GHR: variants seen among roughly 807,000 people sequenced by gnomAD.
GHR encodes the protein GH receptor.
Under a neutral mutation model 67.1 loss-of-function variants are expected in GHR, and 35 were observed. The observed-to-expected ratio is 0.52, with a 90% CI of 0.40 to 0.69. The LOEUF is 0.69. GHR is among the 30% of genes least tolerant of loss of function. GHR has a pLI of 0.00. For missense variants in GHR, 792 were observed against 764.6 expected (o/e 1.04, Z -0.42); for synonymous variants, 272 against 269.1 (o/e 1.01, Z -0.10).
At chr5:42,660,898 C>CT (rs1335357493) in intron 3 of GHR, among the ~76,000 whole-genome samples, 9 of 152,078 alleles carry the variant, frequency 5.9e-5, no homozygotes, top group Non-Finnish European at 1.3e-4. Flanking sequence ...ATAACCAATA[C>CT]AGAGAAGTGC....
chr5:42,599,356 CATT>C (rs1380970206), intron 2 of GHR, among the ~76,000 whole-genome samples: 4 of 125,732 alleles, frequency 3.2e-5, no homozygotes, highest in African/African-American at 1.0e-4. Flanking sequence ...GCCTACAGCA[CATT>C]TTTTTTTTTT....
At chr5:42,524,965 TGGATGCCCA>T (rs548318432) in intron 1 of GHR, among the ~76,000 whole-genome samples, 139 of 152,340 alleles carry the variant, frequency 9.1e-4, no homozygotes, top group African/African-American at 3.2e-3. Flanking sequence ...CGGAAATGCC[TGGATGCCCA>T]GGCAAAAGTT....
In GHR at chr5:42,686,338, A is replaced by C. The variant is rs376969678; in HGVS notation, c.137-2552A>C. Among the ~76,000 whole-genome samples, 10 of 66,180 alleles carry C rather than the reference A, an allele frequency of 1.5e-4. No homozygotes were observed. In the South Asian group the frequency reaches 5.7e-3, roughly 38 times the overall value. 43.4% of individuals were successfully genotyped at this position (66,180 alleles called of 152,430 possible). A position where few individuals can be genotyped will look rare whatever the true frequency, so the allele number is the denominator to read the frequency against. Reference sequence around the variant, plus strand: ...GTACCAGTACCATGCTGTCTTTGTTACTGTAGCCTTGTAGTATGAAGTCAG... The same window carrying C: ...GTACCAGTACCATGCTGTCTTTGTTCCTGTAGCCTTGTAGTATGAAGTCAG... On this transcript the variant is annotated intron_variant, in intron 3 of 9. Coordinates refer to ENST00000230882, the MANE Select transcript of GHR (RefSeq NM_000163.5).
At position 42,589,661 on chromosome 5, in the gene GHR, C is replaced by A. The variant is rs182228254; in HGVS notation, c.70+23717C>A. 2.1e-3 allele frequency among the ~76,000 whole-genome samples: 321 copies of A among 152,118 alleles called. 2 individuals carry two copies. The highest frequency in any genetic ancestry group is 7.4e-3 in the African/African-American group (308 of 41,492). ...TTTTCAGTGTTAAGTTGACCTTTTT[C>A]TTTTAGTGCATTGTGAATATTTAAA... On this transcript the variant is annotated intron_variant, in intron 2 of 9. Transcript: ENST00000230882.
chr5:42,685,335 G>A (rs532594490), intron 3 of GHR, among the ~76,000 whole-genome samples: 2 of 152,158 alleles, frequency 1.3e-5, no homozygotes, highest in African/African-American at 2.4e-5. Context: ...TCTTTAACCA[G>A]TCTATCACTG....
At chr5:42,535,423 C>T (rs1300955466) in intron 1 of GHR, among the ~76,000 whole-genome samples, 2 of 152,162 alleles carry the variant, frequency 1.3e-5, no homozygotes, top group Admixed American at 6.5e-5. Context: ...TGTCCTTTCC[C>T]CACTTTATGT....
At chr5:42,540,948 T>C (rs1056793390) in intron 1 of GHR, among the ~76,000 whole-genome samples, 4 of 151,908 alleles carry the variant, frequency 2.6e-5, no homozygotes, top group African/African-American at 9.7e-5. Context: ...TCCTTGTTTT[T>C]TTTTTTTTGT....
chr5:42,688,785 T>A, intron 3 of GHR, 105 bp from the exon 4 acceptor site: 2 of 1,054,286 alleles, frequency 1.9e-6, no homozygotes, highest in East Asian at 4.7e-5. Context: ...CGGAATACAC[T>A]GGCTTCATCC....
intron 1 of GHR, among the ~76,000 whole-genome samples, chr5:42,503,831 G>A (rs1746641641): frequency 6.6e-6 from 1 of 152,034 alleles, no homozygotes; most frequent in South Asian, 2.1e-4. Flanking sequence ...ATAAAAGGAC[G>A]AGGCTTATGG....
At chr5:42,481,652 C>A (rs537326544) in intron 1 of GHR, among the ~76,000 whole-genome samples, 1 of 152,190 alleles carries the variant, frequency 6.6e-6, no homozygotes, top group Non-Finnish European at 1.5e-5. Flanking sequence ...ATCACTGATA[C>A]CCTTTCTTCC....
intron 2 of GHR, among the ~76,000 whole-genome samples, chr5:42,600,029 T>G (rs1752288318): frequency 6.6e-6 from 1 of 152,206 alleles, no homozygotes; most frequent in South Asian, 2.1e-4. Flanking sequence ...AACAGAGTCC[T>G]GGAGCATATC....
At position 42,423,789 on chromosome 5, in the gene GHR, G is replaced by A; in HGVS notation, c.-178G>A. 6.1e-6 allele frequency: 1 copy of A among 163,910 alleles called. No homozygotes were observed. The highest frequency in any genetic ancestry group is 1.3e-5 in the Non-Finnish European group (1 of 77,406). The allele number at this position is 163,910 out of a possible 1,614,324, so 10.2% of individuals were successfully genotyped here. A position where few individuals can be genotyped will look rare whatever the true frequency, so the allele number is the denominator to read the frequency against. On this transcript the variant is annotated 5_prime_UTR_variant, in exon 1 of 10. Transcript: ENST00000230882. Reference sequence around the variant, plus strand: ...GGGCTAGGGAGCGGCGGCGGCGGCGGCAGCGGCAGCAGCAGCTGCTACAGT... The same window carrying A: ...GGGCTAGGGAGCGGCGGCGGCGGCGACAGCGGCAGCAGCAGCTGCTACAGT...
At chr5:42,654,575 A>T (rs1433149197) in intron 3 of GHR, among the ~76,000 whole-genome samples, 1 of 152,086 alleles carries the variant, frequency 6.6e-6, no homozygotes, top group Non-Finnish European at 1.5e-5. Flanking sequence ...AGAGCCTCTG[A>T]TCTTGTCTTT....
chr5:42,703,086 T>C (rs1758008555), intron 6 of GHR, among the ~76,000 whole-genome samples: 1 of 152,104 alleles, frequency 6.6e-6, no homozygotes. Flanking sequence ...CTATTTCCAC[T>C]TTTGTTGCCT....
intron 1 of GHR, chr5:42,467,763 T>A: frequency 1.3e-6 from 2 of 1,543,732 alleles, no homozygotes; most frequent in Non-Finnish European, 1.8e-6. Flanking sequence ...CAACGAGGTT[T>A]GCACTCTGAC....
chr5:42,465,790 A>G (rs1021410310), intron 1 of GHR: 8 of 798,378 alleles, frequency 1.0e-5, no homozygotes, highest in Middle Eastern at 3.5e-4. Context: ...TTTCACGTCC[A>G]CTGCCCTCTC....
chr5:42,543,838 G>A (rs1748620145), intron 1 of GHR, among the ~76,000 whole-genome samples: 1 of 152,020 alleles, frequency 6.6e-6, no homozygotes, highest in Non-Finnish European at 1.5e-5. Context: ...CCAATCATAT[G>A]TGTGTTGGAG....
intron 2 of GHR, among the ~76,000 whole-genome samples, chr5:42,623,752 T>C (rs1049327449): frequency 3.9e-5 from 6 of 152,214 alleles, no homozygotes; most frequent in African/African-American, 1.4e-4. Flanking sequence ...TAGTTTATTT[T>C]ATAACCCAGC....
At chr5:42,716,545 T>C (rs755918007) in intron 8 of GHR, among the ~76,000 whole-genome samples, 2 of 152,222 alleles carry the variant, frequency 1.3e-5, no homozygotes, top group Non-Finnish European at 2.9e-5. Flanking sequence ...TACACAAACA[T>C]GTGACAGGCC....
Sources: allele counts gnomAD v4.1 joint callset (sites outside exome capture counted in the v4.1 genomes callset), GRCh38; gene constraint gnomAD v4.1.1; transcripts MANE v1.5; gene names NCBI Gene and HGNC (gene_info 2026-07-23, HGNC 2026-07-21).